Variants in STK32B observed in about 807,000 individuals in gnomAD.
The protein encoded by STK32B is serine/threonine kinase 32B.
In STK32B, 43 loss-of-function variants were observed where a neutral mutation model predicts 52.6. That is an observed-to-expected ratio of 0.82 (90% CI 0.64 to 1.05). The LOEUF is 1.05. Among genes scored for constraint, STK32B ranks in the 50% least tolerant of loss-of-function variants. The probability of loss-of-function intolerance (pLI) is 0.00; values close to 1 mark genes in which losing one functional copy is unlikely to be tolerated. For missense variants in STK32B, 621 were observed against 534.6 expected, an observed-to-expected ratio of 1.16 and a Z score of -1.59; for synonymous variants, 238 against 204.3, an observed-to-expected ratio of 1.17 and a Z score of -1.41.
intron 6 of STK32B, among the ~76,000 whole-genome samples, chr4:5,428,962 T>A (rs1713330143): frequency 6.6e-6 from 1 of 152,208 alleles, no homozygotes; most frequent in Non-Finnish European, 1.5e-5. Flanking sequence ...GGTAAATGTC[T>A]AACAGCTAGT....
chr4:5,248,508 T>G (rs1725630068), intron 3 of STK32B, among the ~76,000 whole-genome samples: 1 of 152,196 alleles, frequency 6.6e-6, no homozygotes, highest in African/African-American at 2.4e-5. Flanking sequence ...CTGGTCAATT[T>G]AACTCCTCAT....
chr4:5,187,218 C>A (rs2108759692), intron 3 of STK32B, among the ~76,000 whole-genome samples: 1 of 152,286 alleles, frequency 6.6e-6, no homozygotes. Flanking sequence ...TCCGCTTCTC[C>A]CGCACCACAA....
intron 6 of STK32B, among the ~76,000 whole-genome samples, chr4:5,444,748 A>G (rs912996680): frequency 7.2e-5 from 11 of 152,202 alleles, no homozygotes; most frequent in Non-Finnish European, 1.5e-4. Context: ...TATTTAATCT[A>G]CTTAATCCTC....
intron 3 of STK32B, among the ~76,000 whole-genome samples, chr4:5,188,455 C>A (rs190704388): frequency 4.5e-4 from 69 of 152,268 alleles, no homozygotes; most frequent in African/African-American, 1.4e-3. Flanking sequence ...CCTTCTCCGA[C>A]CCACCTCCCA....
chr4:5,159,288 T>C (rs1052999042), intron 2 of STK32B, among the ~76,000 whole-genome samples: 1 of 151,978 alleles, frequency 6.6e-6, no homozygotes, highest in Admixed American at 6.6e-5. Context: ...GCTCACACTC[T>C]TTAAGGGACT....
chr4:5,456,256 T>A (rs1270222734), intron 7 of STK32B, among the ~76,000 whole-genome samples: 1 of 152,178 alleles, frequency 6.6e-6, no homozygotes, highest in Non-Finnish European at 1.5e-5. Context: ...AGCTTACACA[T>A]CCTCACTGTA....
chr4:5,207,593 C>T (rs1213248912), intron 3 of STK32B, among the ~76,000 whole-genome samples: 1 of 151,886 alleles, frequency 6.6e-6, no homozygotes, highest in Non-Finnish European at 1.5e-5. Flanking sequence ...ACTAATACAC[C>T]CTGTGACACC....
At chr4:5,250,395 C>G (rs1227906220) in intron 3 of STK32B, among the ~76,000 whole-genome samples, 1 of 150,714 alleles carries the variant, frequency 6.6e-6, no homozygotes, top group Non-Finnish European at 1.5e-5. Flanking sequence ...TCACTGCAAC[C>G]TCCGCCTCCC....
chr4:5,109,218 C>G (rs920867458), intron 1 of STK32B, among the ~76,000 whole-genome samples: 1 of 152,176 alleles, frequency 6.6e-6, no homozygotes, highest in African/African-American at 2.4e-5. Flanking sequence ...TCATGCGCAG[C>G]TGCCTCATTT....
intron 3 of STK32B, among the ~76,000 whole-genome samples, chr4:5,254,529 C>G (rs1162299167): frequency 6.6e-6 from 1 of 151,798 alleles, no homozygotes; most frequent in Non-Finnish European, 1.5e-5. Flanking sequence ...TGATAATTTT[C>G]TTCCCAGCAT....
intron 1 of STK32B, among the ~76,000 whole-genome samples, chr4:5,070,566 T>A (rs968832216): frequency 6.6e-6 from 1 of 152,156 alleles, no homozygotes. Flanking sequence ...ACTTTGGAAA[T>A]GATCTTACTT....
At chr4:5,426,692 C>CAAAAAAAAAAAAAAA (rs746246839) in intron 6 of STK32B, among the ~76,000 whole-genome samples, 26 of 77,972 alleles carry the variant, frequency 3.3e-4, no homozygotes, top group Middle Eastern at 0.011. Context: ...TCCATCTAAA[C>CAAAAAAAAAAAAAAA]AAAAAAAAAA....
intron 3 of STK32B, among the ~76,000 whole-genome samples, chr4:5,289,236 T>C (rs879729516): frequency 6.6e-6 from 1 of 152,118 alleles, no homozygotes; most frequent in African/African-American, 2.4e-5. Flanking sequence ...TATCTAAACA[T>C]AGAAAAAGCA....
chr4:5,172,989 C>T (rs548571096), intron 3 of STK32B, among the ~76,000 whole-genome samples: 2 of 152,268 alleles, frequency 1.3e-5, no homozygotes, highest in South Asian at 4.1e-4. Context: ...ATTTCAGATC[C>T]TGTTATTGGT....
rs1165548276 is a variant in STK32B at position 5,319,847 on chromosome 4, T to G, written c.261-11373T>G. 2.0e-5 allele frequency among the ~76,000 whole-genome samples: 3 copies of G among 152,148 alleles called. No individual in the cohort carries two copies. The South Asian group carries it at 6.2e-4, about 32-fold the overall frequency. On this transcript the variant is annotated intron_variant, in intron 3 of 11. Coordinates refer to ENST00000282908, the MANE Select transcript of STK32B (RefSeq NM_018401.3). ...CCCAAAGTCACAGGGAGAACTGACC[T>G]GCAGAGGATGTGGCTGCCTCTGCTG...
chr4:5,444,740 T>C (rs1461767047), intron 6 of STK32B, among the ~76,000 whole-genome samples: 1 of 152,222 alleles, frequency 6.6e-6, no homozygotes, highest in Non-Finnish European at 1.5e-5. Context: ...GATTATCTTA[T>C]TTAATCTACT....
At chr4:5,056,008 C>T (rs1028427652) in intron 1 of STK32B, among the ~76,000 whole-genome samples, 2 of 152,098 alleles carry the variant, frequency 1.3e-5, no homozygotes, top group African/African-American at 4.8e-5. Flanking sequence ...GTTATCAGTT[C>T]GTGGTCTGTA....
At chr4:5,194,733 G>A (rs1009898708) in intron 3 of STK32B, among the ~76,000 whole-genome samples, 4 of 152,188 alleles carry the variant, frequency 2.6e-5, no homozygotes, top group Admixed American at 6.5e-5. Flanking sequence ...AGGCTGCACA[G>A]AAACTGTAGC....
intron 1 of STK32B, among the ~76,000 whole-genome samples, chr4:5,088,316 G>A (rs1469855511): frequency 6.6e-6 from 1 of 152,056 alleles, no homozygotes; most frequent in Non-Finnish European, 1.5e-5. Flanking sequence ...TGGACATAGA[G>A]AGTAGAAGGA....
Sources: allele counts gnomAD v4.1 joint callset (sites outside exome capture counted in the v4.1 genomes callset), GRCh38; gene constraint gnomAD v4.1.1; transcripts MANE v1.5; gene names NCBI Gene and HGNC (gene_info 2026-07-23, HGNC 2026-07-21).